Variants in ICE2 observed in about 807,000 individuals in gnomAD.
ICE2 encodes interactor of little elongation complex ELL subunit 2.
Under a neutral mutation model 105.4 loss-of-function variants are expected in ICE2, and 87 were observed. The ratio of observed to expected loss-of-function variants is 0.83; its 90% confidence interval spans 0.69 to 0.99. The LOEUF (loss-of-function observed/expected upper bound fraction) is 0.99, where lower values mean the gene tolerates loss of function less well. Among genes scored for constraint, ICE2 ranks in the 50% least tolerant of loss-of-function variants. The pLI, the probability that ICE2 is intolerant of heterozygous loss-of-function variation, is 0.00. For missense variants in ICE2, 1,323 were observed against 1,146.7 expected, an observed-to-expected ratio of 1.15 and a Z score of -2.22; for synonymous variants, 399 against 392.0, an observed-to-expected ratio of 1.02 and a Z score of -0.21.
In ICE2 at chr15:60,431,989, TA is replaced by T; in HGVS notation, c.2511-6del. On this transcript the variant is annotated splice_region_variant and splice_polypyrimidine_tract_variant and intron_variant, in intron 13 of 15. Coordinates refer to ENST00000261520, the MANE Select transcript of ICE2 (RefSeq NM_024611.6). ...ATGTTAAATAAATTGGAAATCCTGA[TA>T]AACAAAAGAAATTCATGTAAAATTA... is the stretch of plus-strand genomic sequence containing the variant. 1 of 1,386,978 alleles carries T rather than the reference TA, an allele frequency of 7.2e-7. No homozygotes were observed. The highest frequency in any genetic ancestry group is 1.0e-6 in the Non-Finnish European group (1 of 990,882). 85.9% of individuals were successfully genotyped at this position (1,386,978 alleles called of 1,614,324 possible).
rs1051743439 is a variant in ICE2, at chr15:60,479,138, A to G, written c.-228T>C. 2.7e-5 allele frequency: 11 copies of G among 402,778 alleles called. No individual in the cohort carries two copies. The highest frequency in any genetic ancestry group is 2.1e-4 in the African/African-American group (10 of 48,710). The allele number at this position is 402,778 out of a possible 1,614,324, so 25.0% of individuals were successfully genotyped here. ...GGCCGCGCCGACTCGGCCCTGCGTG[A>G]TGACGTCTCAGCGACATAGTGGGCG... On this transcript the variant is annotated 5_prime_UTR_variant, in exon 1 of 16. Coordinates refer to ENST00000261520, the MANE Select transcript of ICE2 (RefSeq NM_024611.6).
chr15:60,455,679 A>G (rs1176186076), intron 6 of ICE2, among the ~76,000 whole-genome samples: 1 of 151,218 alleles, frequency 6.6e-6, no homozygotes, highest in Non-Finnish European at 1.5e-5. Context: ...GTGCGGTTGT[A>G]TGATCTCAGA....
chr15:60,463,158 A>C (rs1453995007), intron 5 of ICE2, among the ~76,000 whole-genome samples: 1 of 152,210 alleles, frequency 6.6e-6, no homozygotes, highest in African/African-American at 2.4e-5. Context: ...AGGTGTATGC[A>C]TCTTTAATTC....
chr15:60,448,157 G>C lies in ICE2; in HGVS notation c.2120-12C>G. ...TTCATATGGCAATCCTTTAAAAATAGTATTTCTCATTTTTAAAATACATTA... is the reference window on the plus strand; with the variant it reads ...TTCATATGGCAATCCTTTAAAAATACTATTTCTCATTTTTAAAATACATTA... On this transcript the variant is annotated splice_polypyrimidine_tract_variant and intron_variant, in intron 10 of 15. Coordinates refer to ENST00000261520, the MANE Select transcript of ICE2 (RefSeq NM_024611.6). 6.4e-7 allele frequency: 1 copy of C among 1,562,592 alleles called. No homozygotes were observed. The highest frequency in any genetic ancestry group is 8.8e-7 in the Non-Finnish European group (1 of 1,140,180).
At chr15:60,476,006 A>C in intron 3 of ICE2, 57 bp downstream of exon 3, 2 of 1,167,972 alleles carry the variant, frequency 1.7e-6, no homozygotes, top group Non-Finnish European at 1.2e-6. Flanking sequence ...ATAAAACTTC[A>C]ACTATCAGAA....
In ICE2 at chr15:60,442,504, A is replaced by G. The variant is rs768086085; in HGVS notation, c.2337T>C (p.Ala779=). 1.1e-5 allele frequency: 18 copies of G among 1,590,748 alleles called. No individual in the cohort carries two copies. The Admixed American group carries it at 3.3e-4, about 29-fold the overall frequency. ...CAGTCAGAGCTTCAACTCCATAACA[A>G]GCTTGATACTCTACTTTTGGTAGTA... The part of the protein sequence containing the change: ...VYVLPKVEYQ[A]CYGVEALTES... The change falls in exon 12 of 16, where the codon GCT becomes GCC. Residue 779 remains alanine, a synonymous_variant. Coordinates refer to ENST00000261520, the MANE Select transcript of ICE2 (RefSeq NM_024611.6).
chr15:60,421,332 CA>C lies in ICE2; in HGVS notation c.*2301del, dbSNP rs2063240800. 6.6e-6 allele frequency: 1 copy of C among 152,188 alleles called. No homozygotes were observed. The highest frequency in any genetic ancestry group is 2.1e-4 in the South Asian group (1 of 4,828). The allele number at this position is 152,188 out of a possible 1,614,324, so 9.4% of individuals were successfully genotyped here. A position where few individuals can be genotyped will look rare whatever the true frequency, so the allele number is the denominator to read the frequency against. Reference sequence around the variant, plus strand: ...CTAGACTCAAGCGATCCTCCCACCTCAGCTTCCCAAGTAGCTGGGATTACAT... The same window carrying C: ...CTAGACTCAAGCGATCCTCCCACCTCGCTTCCCAAGTAGCTGGGATTACAT... On this transcript the variant is annotated 3_prime_UTR_variant, in exon 16 of 16. Transcript: ENST00000261520.
intron 3 of ICE2, among the ~76,000 whole-genome samples, chr15:60,473,543 C>G (rs1027310212): frequency 6.6e-6 from 1 of 151,492 alleles, no homozygotes; most frequent in East Asian, 2.0e-4. Context: ...TCCAGCTGCT[C>G]TGGCCTCCTA....
At chr15:60,455,491 T>C in intron 6 of ICE2, 49 bp from the exon 7 acceptor site, 1 of 1,235,604 alleles carries the variant, frequency 8.1e-7, no homozygotes, top group Non-Finnish European at 1.2e-6. Context: ...CAATGTATTT[T>C]TTCTAAGAAA....
At chr15:60,438,137 G>A (rs2141022605) in intron 12 of ICE2, 1 of 152,266 alleles carries the variant, frequency 6.6e-6, no homozygotes, top group South Asian at 2.1e-4. Context: ...ACATAAAAGA[G>A]TCCTGGGTTA....
chr15:60,438,014 A>G (rs369234917), intron 12 of ICE2: 1 of 152,212 alleles, frequency 6.6e-6, no homozygotes, highest in Non-Finnish European at 1.5e-5. Context: ...TCCAAAAAAC[A>G]AAACAGCAAA....
chr15:60,424,720 G>A (rs554152719), intron 15 of ICE2, among the ~76,000 whole-genome samples: 4 of 152,258 alleles, frequency 2.6e-5, no homozygotes, highest in Admixed American at 1.3e-4. Flanking sequence ...TGTTTAGGCT[G>A]GTCTGGAATT....
chr15:60,464,525 C>T (rs761621423), intron 5 of ICE2, among the ~76,000 whole-genome samples: 6 of 152,184 alleles, frequency 3.9e-5, no homozygotes, highest in Non-Finnish European at 7.3e-5. Flanking sequence ...CAAGACACTA[C>T]TACACGCAGA....
At chr15:60,437,221 C>T (rs1221333667) in intron 12 of ICE2, among the ~76,000 whole-genome samples, 1 of 151,920 alleles carries the variant, frequency 6.6e-6, no homozygotes, top group Non-Finnish European at 1.5e-5. Flanking sequence ...TGCTACAGCA[C>T]TCCAGCCTGG....
chr15:60,432,504 C>G (rs2141004021), intron 13 of ICE2, among the ~76,000 whole-genome samples: 1 of 151,536 alleles, frequency 6.6e-6, no homozygotes, highest in Admixed American at 6.6e-5. Flanking sequence ...TTTGCCATTT[C>G]ATGATTTCCT....
intron 9 of ICE2, among the ~76,000 whole-genome samples, chr15:60,450,225 GGTCTTA>G (rs1295382735): frequency 6.6e-6 from 1 of 152,142 alleles, no homozygotes; most frequent in Non-Finnish European, 1.5e-5. Context: ...AGAGACACTT[GGTCTTA>G]GCTGACCAGG....
intron 2 of ICE2, among the ~76,000 whole-genome samples, chr15:60,477,735 G>T (rs1175787301): frequency 1.3e-5 from 2 of 152,164 alleles, no homozygotes; most frequent in African/African-American, 4.8e-5. Flanking sequence ...GAACTGTGTT[G>T]TTCCACTATA....
chr15:60,463,491 G>C (rs902845466), intron 5 of ICE2, among the ~76,000 whole-genome samples: 7 of 152,090 alleles, frequency 4.6e-5, no homozygotes, highest in African/African-American at 1.7e-4. Flanking sequence ...CAGGCAAAAA[G>C]GGCCAAGCAC....
chr15:60,446,734 C>T (rs1397932385), intron 11 of ICE2, among the ~76,000 whole-genome samples: 1 of 152,068 alleles, frequency 6.6e-6, no homozygotes, highest in Non-Finnish European at 1.5e-5. Flanking sequence ...AGGAAGTCCT[C>T]CACAATGATC....
Sources: gnomAD v4.1 joint callset for allele counts (sites outside exome capture counted in the v4.1 genomes callset) on GRCh38, gnomAD v4.1.1 for gene constraint, MANE v1.5 for transcripts, NCBI Gene and HGNC (gene_info 2026-07-23, HGNC 2026-07-21) for gene names.